The following VPS13B variants were observed in gnomAD, a reference collection of about 807,000 sequenced individuals.
VPS13B encodes the protein vacuolar protein sorting 13 homolog B, also known as intermembrane lipid transfer protein VPS13B.
A neutral mutation model predicts 426.4 loss-of-function variants in VPS13B; 285 were observed. The observed-to-expected ratio is 0.67, with a 90% CI of 0.61 to 0.74. VPS13B has a LOEUF of 0.74. Ranked by LOEUF, VPS13B falls within the 30% of genes least tolerant of loss-of-function variation. The pLI is 0.00. For missense variants in VPS13B, 4,537 were observed against 4,782.6 expected (o/e 0.95, Z 1.51); for synonymous variants, 1,676 against 1,676.4 (o/e 1.00, Z 0.01).
intron 17 of VPS13B, among the ~76,000 whole-genome samples, chr8:99,268,832 T>C (rs1285200534): frequency 2.0e-5 from 3 of 152,160 alleles, no homozygotes; most frequent in Non-Finnish European, 2.9e-5. Flanking sequence ...GGTTTGGCTG[T>C]GTCTCCACCC....
At chr8:99,394,763 A>G (rs1323617700) in intron 21 of VPS13B, among the ~76,000 whole-genome samples, 1 of 152,200 alleles carries the variant, frequency 6.6e-6, no homozygotes, top group Non-Finnish European at 1.5e-5. Context: ...TTATCTTACA[A>G]GTTTATATAT....
chr8:99,266,368 C>T (rs1196724280), intron 17 of VPS13B, among the ~76,000 whole-genome samples: 1 of 151,698 alleles, frequency 6.6e-6, no homozygotes. Context: ...GCTATGATTG[C>T]ACTACTGCAC....
intron 42 of VPS13B, among the ~76,000 whole-genome samples, chr8:99,781,643 C>T (rs933918904): frequency 6.6e-6 from 1 of 152,064 alleles, no homozygotes; most frequent in African/African-American, 2.4e-5. Flanking sequence ...ATGTAAACAA[C>T]CCCCTTGTGT....
rs767123216 is a variant in VPS13B, at chr8:99,861,810, C to T, written c.11079C>T (p.Ser3693=). 1 of 1,598,672 alleles carries T rather than the reference C, an allele frequency of 6.3e-7. No individual in the cohort carries two copies. Among genetic ancestry groups the T allele is most frequent in the South Asian group, 1.1e-5 (1 of 88,028 alleles). Residue 3693 remains serine, a synonymous_variant, in exon 58 of 62, where the codon AGC becomes AGT. Coordinates refer to ENST00000357162, the MANE Select transcript of VPS13B (RefSeq NM_152564.5). ...TLTSITNLAT[S]LARNMDRLSL... is the part of the protein sequence containing the mutation. Reference sequence around the variant, plus strand: ...CATCCATCACCAACCTCGCCACAAGCCTGGCCCGGAACATGGACCGGCTCT... The same window carrying T: ...CATCCATCACCAACCTCGCCACAAGTCTGGCCCGGAACATGGACCGGCTCT...
At chr8:99,348,831 A>G (rs955212845) in intron 19 of VPS13B, among the ~76,000 whole-genome samples, 1 of 152,134 alleles carries the variant, frequency 6.6e-6, no homozygotes, top group African/African-American at 2.4e-5. Context: ...TAGTTAAAAT[A>G]ATTTATTTTT....
chr8:99,267,571 A>G (rs1401386627), intron 17 of VPS13B, among the ~76,000 whole-genome samples: 1 of 151,920 alleles, frequency 6.6e-6, no homozygotes, highest in African/African-American at 2.4e-5. Context: ...TACTAAAAAT[A>G]CAAAAATTAG....
intron 31 of VPS13B, among the ~76,000 whole-genome samples, chr8:99,562,270 C>T (rs1335770773): frequency 6.8e-6 from 1 of 146,910 alleles, no homozygotes; most frequent in African/African-American, 2.6e-5. Context: ...TTGTCTTTTG[C>T]CCCCCCCATC....
At chr8:99,223,678 C>T (rs1321182094) in intron 17 of VPS13B, among the ~76,000 whole-genome samples, 1 of 152,006 alleles carries the variant, frequency 6.6e-6, no homozygotes, top group African/African-American at 2.4e-5. Context: ...TATACAAATA[C>T]ATGAAGTTTG....
chr8:99,705,094 A>G (rs1335605379), intron 36 of VPS13B, among the ~76,000 whole-genome samples: 1 of 152,054 alleles, frequency 6.6e-6, no homozygotes, highest in Non-Finnish European at 1.5e-5. Flanking sequence ...ATTCCCTCCT[A>G]TTACTTTATA....
chr8:99,606,624 C>CTTTTTTTTTTT (rs1193844207), intron 33 of VPS13B, among the ~76,000 whole-genome samples: 1 of 137,238 alleles, frequency 7.3e-6, no homozygotes, highest in Non-Finnish European at 1.6e-5. Context: ...TTTTCTTTTT[C>CTTTTTTTTTTT]TTTTCTTTTT....
intron 2 of VPS13B, among the ~76,000 whole-genome samples, chr8:99,034,811 T>G (rs781345969): frequency 6.6e-6 from 1 of 152,168 alleles, no homozygotes; most frequent in Non-Finnish European, 1.5e-5. Context: ...GGGAGAGGAT[T>G]TGCCGAGCTC....
At chr8:99,059,730 CTTT>C (rs34620587) in intron 3 of VPS13B, among the ~76,000 whole-genome samples, 10 of 110,170 alleles carry the variant, frequency 9.1e-5, no homozygotes, top group Non-Finnish European at 1.4e-4. Context: ...TTAGCTTCTG[CTTT>C]TTTTTTTTTT....
At chr8:99,375,612 C>T (rs192559302) in intron 19 of VPS13B, among the ~76,000 whole-genome samples, 1 of 152,174 alleles carries the variant, frequency 6.6e-6, no homozygotes, top group Admixed American at 6.5e-5. Context: ...ATTTCTTAGT[C>T]TCTGATTCCC....
chr8:99,111,326 T>C (rs1165776560), intron 6 of VPS13B, 47 bp downstream of exon 6: 1 of 1,483,582 alleles, frequency 6.7e-7, no homozygotes. Context: ...CTTTATTTTG[T>C]TTATTGACTC....
chr8:99,116,622 C>G (rs1473965773), intron 7 of VPS13B, among the ~76,000 whole-genome samples: 1 of 150,346 alleles, frequency 6.7e-6, no homozygotes, highest in Non-Finnish European at 1.5e-5. Flanking sequence ...TTTGTAGAGA[C>G]AGGGTTTTGC....
chr8:99,717,064 A>T, intron 36 of VPS13B, 107 bp from the exon 37 acceptor site: 1 of 1,142,450 alleles, frequency 8.8e-7, no homozygotes, highest in Non-Finnish European at 1.3e-6. Context: ...AAGCAAGACG[A>T]CTCTGACAAA....
intron 34 of VPS13B, among the ~76,000 whole-genome samples, chr8:99,651,733 G>A (rs1398422019): frequency 6.6e-6 from 1 of 152,128 alleles, no homozygotes; most frequent in Non-Finnish European, 1.5e-5. Context: ...CTCATGTCTT[G>A]ACTATGCAGC....
intron 2 of VPS13B, among the ~76,000 whole-genome samples, chr8:99,025,755 GT>G (rs1842103220): frequency 6.6e-6 from 1 of 152,058 alleles, no homozygotes; most frequent in African/African-American, 2.4e-5. Context: ...GACTGTTCAG[GT>G]TTTCTGTTTC....
At chr8:99,789,974 A>G (rs1196985751) in intron 43 of VPS13B, among the ~76,000 whole-genome samples, 2 of 152,036 alleles carry the variant, frequency 1.3e-5, no homozygotes, top group African/African-American at 4.8e-5. Context: ...TTAAGGAGAA[A>G]GAAATTAAAT....
Sources: gnomAD v4.1 joint callset for allele counts (sites outside exome capture counted in the v4.1 genomes callset) on GRCh38, gnomAD v4.1.1 for gene constraint, MANE v1.5 for transcripts, NCBI Gene and HGNC (gene_info 2026-07-23, HGNC 2026-07-21) for gene names.